Variants in PPP1R12B observed in about 807,000 individuals in gnomAD.
The protein encoded by PPP1R12B is myosin phosphatase target subunit 2.
In PPP1R12B, 76 loss-of-function variants were observed where a neutral mutation model predicts 126.1. The ratio of observed to expected loss-of-function variants is 0.60; its 90% confidence interval spans 0.50 to 0.73. The LOEUF is 0.73. PPP1R12B is among the 30% of genes least tolerant of loss of function. The pLI, the probability that PPP1R12B is intolerant of heterozygous loss-of-function variation, is 0.00. For synonymous variants in PPP1R12B, 356 were observed against 434.7 expected, an observed-to-expected ratio of 0.82 and a Z score of 2.25; for missense variants, 1,052 against 1,205.1, an observed-to-expected ratio of 0.87 and a Z score of 1.88.
Position 202,419,459 on chromosome 1 carries a change from G to A in PPP1R12B, c.422+2542G>A, listed in dbSNP as rs1668485466. 6.6e-6 allele frequency among the ~76,000 whole-genome samples: 1 copy of A among 152,012 alleles called. No individual in the cohort carries two copies. The highest frequency in any genetic ancestry group is 1.5e-5 in the Non-Finnish European group (1 of 67,990). Reference sequence around the variant, plus strand: ...TAAAGTAGAAATTACTTCATAGGTTGATATTTATTCTTGTCCAGGTAAAAG... The same window carrying A: ...TAAAGTAGAAATTACTTCATAGGTTAATATTTATTCTTGTCCAGGTAAAAG... On this transcript the variant is annotated intron_variant, in intron 2 of 23. Transcript: ENST00000608999. This position sits in a 1 kb window ranked among gnomAD's most constrained non-coding sequence, Gnocchi z 4.6.
At chr1:202,459,217 T>G (rs1674008324) in intron 13 of PPP1R12B, among the ~76,000 whole-genome samples, 1 of 152,184 alleles carries the variant, frequency 6.6e-6, no homozygotes, top group Non-Finnish European at 1.5e-5. Flanking sequence ...TAATATTGGA[T>G]TTTTGGGTGT....
rs940571912 is a variant in PPP1R12B, at chr1:202,348,763, A to G, written c.-89A>G. On this transcript the variant is annotated 5_prime_UTR_variant, in exon 1 of 24. Coordinates refer to ENST00000608999, the MANE Select transcript of PPP1R12B (RefSeq NM_002481.4). Reference sequence around the variant, plus strand: ...GTCTCCGCCCTCTGCTCCGGGCTGAAGCGCTCTGAGAGAGGCGGCAGCGGC... The same window carrying G: ...GTCTCCGCCCTCTGCTCCGGGCTGAGGCGCTCTGAGAGAGGCGGCAGCGGC... The G allele has an allele frequency of 6.8e-7, 1 of 1,470,228 alleles. No individual in the cohort carries two copies. The highest frequency in any genetic ancestry group is 9.0e-7 in the Non-Finnish European group (1 of 1,105,714). 91.1% of individuals were successfully genotyped at this position (1,470,228 alleles called of 1,614,324 possible).
chr1:202,498,272 A>C (rs1679809209), intron 18 of PPP1R12B, among the ~76,000 whole-genome samples: 1 of 152,222 alleles, frequency 6.6e-6, no homozygotes, highest in Admixed American at 6.5e-5. Flanking sequence ...CAGACTAAAA[A>C]ATACTCCACA....
rs1689664706 is a variant in PPP1R12B, at chr1:202,583,637, C to T, written c.*3077C>T. On this transcript the variant is annotated 3_prime_UTR_variant, in exon 24 of 24. Coordinates refer to ENST00000608999, the MANE Select transcript of PPP1R12B (RefSeq NM_002481.4). ...TGAGATGGTAATTATAGGCCTTCTA[C>T]TAGCCAGCAGTTCTCTCTGGATACT... 1 of 152,240 alleles carries T rather than the reference C, an allele frequency of 6.6e-6. No individual in the cohort carries two copies. The highest frequency in any genetic ancestry group is 1.5e-5 in the Non-Finnish European group (1 of 68,044). 9.4% of individuals were successfully genotyped at this position (152,240 alleles called of 1,614,324 possible).
intron 1 of PPP1R12B, among the ~76,000 whole-genome samples, chr1:202,386,700 CT>C (rs1396123280): frequency 1.3e-5 from 2 of 151,920 alleles, no homozygotes; most frequent in African/African-American, 4.8e-5. Context: ...AGTGAAAGAG[CT>C]GAAGTACTAT....
intron 18 of PPP1R12B, among the ~76,000 whole-genome samples, chr1:202,550,116 G>T (rs1211475206): frequency 1.3e-5 from 2 of 152,248 alleles, no homozygotes; most frequent in South Asian, 4.1e-4. Context: ...AAGAGAAAAA[G>T]CCTGTGGAAT....
intron 21 of PPP1R12B, 82 bp downstream of exon 21, chr1:202,564,629 G>GA (rs1352570024): frequency 8.8e-7 from 1 of 1,138,046 alleles, no homozygotes; most frequent in African/African-American, 1.6e-5. Flanking sequence ...TAAGGGACAG[G>GA]AAGTAAGATA....
At position 202,562,849 on chromosome 1, in the gene PPP1R12B, G is replaced by A. The variant is rs139554415; in HGVS notation, c.2579G>A (p.Arg860Gln). 3.8e-5 allele frequency: 61 copies of A among 1,612,736 alleles called. No individual in the cohort carries two copies. Among genetic ancestry groups the A allele is most frequent in the Non-Finnish European group, 4.7e-5 (55 of 1,179,604 alleles). ...YGDRASARARREAREARLATL... is the reference protein window; with the variant it reads ...YGDRASARARQEAREARLATL... The stretch of plus-strand genomic sequence containing the variant: ...GACCGGGCTTCAGCAAGAGCCCGTC[G>A]GGAGGCCCGGGAGGCCCGCCTAGCC... The change falls in exon 20 of 24, where the codon CGG (arginine) becomes CAG (glutamine). Residue 860 changes from arginine to glutamine, a missense_variant. Coordinates refer to ENST00000608999, the MANE Select transcript of PPP1R12B (RefSeq NM_002481.4).
intron 14 of PPP1R12B, among the ~76,000 whole-genome samples, chr1:202,489,125 A>G (rs539656499): frequency 1.3e-5 from 2 of 152,354 alleles, no homozygotes; most frequent in South Asian, 2.1e-4. Context: ...GTTGAATCTT[A>G]TACTACATAG....
intron 13 of PPP1R12B, among the ~76,000 whole-genome samples, chr1:202,468,936 A>C (rs1675464201): frequency 6.6e-6 from 1 of 152,216 alleles, no homozygotes; most frequent in Non-Finnish European, 1.5e-5. Flanking sequence ...CTGTCTCAAA[A>C]AAAAGAAAGG....
chr1:202,445,560 A>G (rs992377304), intron 12 of PPP1R12B, among the ~76,000 whole-genome samples: 3 of 152,174 alleles, frequency 2.0e-5, no homozygotes, highest in Admixed American at 6.5e-5. Flanking sequence ...ACATTTTCAT[A>G]TTTTACTTCT....
chr1:202,454,420 A>G (rs1673365624), intron 13 of PPP1R12B, among the ~76,000 whole-genome samples: 1 of 152,250 alleles, frequency 6.6e-6, no homozygotes, highest in South Asian at 2.1e-4. Context: ...TCTAGCATTC[A>G]TTCATCTTCA....
Position 202,364,638 on chromosome 1 carries a change from A to G in PPP1R12B, c.291+15496A>G, listed in dbSNP as rs185840098. ...GTCACCCAGGCTGGAGTGCAGTGGC[A>G]TGATCTCGGCTCACTGCAAGCTCCG... On this transcript the variant is annotated intron_variant, in intron 1 of 23. Coordinates refer to ENST00000608999, the MANE Select transcript of PPP1R12B (RefSeq NM_002481.4). Among the ~76,000 whole-genome samples the G allele has an allele frequency of 2.7e-3, 412 of 152,010 alleles. 2 individuals carry two copies. Among genetic ancestry groups the G allele is most frequent in the Middle Eastern group, 0.017 (5 of 294 alleles).
In PPP1R12B at chr1:202,348,793, C is replaced by G. The variant is rs1655377916; in HGVS notation, c.-59C>G. ...TCTGAGAGAGGCGGCAGCGGCAACTCGAGCCCCAACAGTAATTTAGTGTTG... is the reference window on the plus strand; with the variant it reads ...TCTGAGAGAGGCGGCAGCGGCAACTGGAGCCCCAACAGTAATTTAGTGTTG... On this transcript the variant is annotated 5_prime_UTR_variant, in exon 1 of 24. Coordinates refer to ENST00000608999, the MANE Select transcript of PPP1R12B (RefSeq NM_002481.4). The G allele has an allele frequency of 2.6e-6, 4 of 1,533,094 alleles. No individual in the cohort carries two copies. Among genetic ancestry groups the G allele is most frequent in the Admixed American group, 2.2e-5 (1 of 45,864 alleles). The allele number at this position is 1,533,094 out of a possible 1,614,324, so 95.0% of individuals were successfully genotyped here. A position where few individuals can be genotyped will look rare whatever the true frequency, so the allele number is the denominator to read the frequency against.
Position 202,580,500 on chromosome 1 carries a change from C to T in PPP1R12B, c.2889C>T (p.Asn963=). ...TGTTAACAGAACTGAAATCCGACAA[C>T]CAGAGGCTGAAAGATGAAAATGGTG... ...MKVLTELKSD[N]QRLKDENGAL... is the part of the protein sequence containing the mutation. Residue 963 remains asparagine, a synonymous_variant, in exon 24 of 24, where the codon AAC becomes AAT. Coordinates refer to ENST00000608999, the MANE Select transcript of PPP1R12B (RefSeq NM_002481.4). 1 of 1,614,000 alleles carries T rather than the reference C, an allele frequency of 6.2e-7. No individual in the cohort carries two copies. The highest frequency in any genetic ancestry group is 1.1e-5 in the South Asian group (1 of 91,084).
At chr1:202,358,789 A>G (rs1398428993) in intron 1 of PPP1R12B, among the ~76,000 whole-genome samples, 2 of 152,192 alleles carry the variant, frequency 1.3e-5, no homozygotes, top group African/African-American at 2.4e-5. Flanking sequence ...ATAGGTTTAT[A>G]CAAAAATTTA....
Position 202,449,126 on chromosome 1 carries a change from C to T in PPP1R12B, c.1805C>T (p.Ser602Phe). 1.2e-6 allele frequency: 2 copies of T among 1,613,326 alleles called. No homozygotes were observed. The highest frequency in any genetic ancestry group is 1.3e-5 in the African/African-American group (1 of 74,994). ...ANGVTATPVL[S>F]ITGTDSSVEA... is the part of the protein sequence containing the mutation. ...GGGGTTACAGCTACTCCTGTGCTCT[C>T]CATTACTGGAACAGATTCCTCTGTG... Residue 602 changes from serine to phenylalanine, a missense_variant, in exon 13 of 24, where the codon TCC (serine) becomes TTC (phenylalanine). Physicochemically the swap from Ser to Phe is radical, Grantham distance 155 (BLOSUM62 -2). Transcript: ENST00000608999.
At chr1:202,499,593 C>T (rs566457527) in intron 18 of PPP1R12B, among the ~76,000 whole-genome samples, 56 of 152,276 alleles carry the variant, frequency 3.7e-4, no homozygotes, top group East Asian at 3.1e-3. Context: ...GAAGCTTCAA[C>T]GGTTATTATC....
At chr1:202,365,818 C>G (rs1387471134) in intron 1 of PPP1R12B, among the ~76,000 whole-genome samples, 1 of 151,634 alleles carries the variant, frequency 6.6e-6, no homozygotes, top group African/African-American at 2.4e-5. Context: ...TAGCAAAACC[C>G]CATCTCTACA....
Sources: allele counts gnomAD v4.1 joint callset (sites outside exome capture counted in the v4.1 genomes callset), GRCh38; gene constraint gnomAD v4.1.1; non-coding constraint Gnocchi (gnomAD v3.1); transcripts MANE v1.5; gene names NCBI Gene and HGNC (gene_info 2026-07-23, HGNC 2026-07-21).